The following SNTG2 variants were observed in gnomAD, a reference collection of about 807,000 sequenced individuals.
SNTG2 encodes gamma-2-syntrophin.
In SNTG2, 74 loss-of-function variants were observed where a neutral mutation model predicts 70.9. The observed-to-expected ratio is 1.04, with a 90% CI of 0.86 to 1.27. The LOEUF (loss-of-function observed/expected upper bound fraction) is 1.27. Among genes scored for constraint, SNTG2 ranks in the 50% most tolerant of loss-of-function variants. The probability of loss-of-function intolerance (pLI) is 0.00; values close to 1 mark genes in which losing one functional copy is unlikely to be tolerated. For missense variants in SNTG2, 717 were observed against 690.7 expected (o/e 1.04, Z -0.43); for synonymous variants, 278 against 273.8 (o/e 1.02, Z -0.15).
In SNTG2 at chr2:1,074,211, G is replaced by A. The variant is rs150126420; in HGVS notation, c.73-9307G>A. Among the ~76,000 whole-genome samples the A allele has an allele frequency of 1.8e-3, 270 of 152,314 alleles. 3 individuals carry two copies. The highest frequency in any genetic ancestry group is 6.1e-3 in the African/African-American group (252 of 41,558). ...GCCCCTCTGTGCATGTGTGACCCTC[G>A]TCTGCCCGGGGGAATGCTCAGACAT... On this transcript the variant is annotated intron_variant, in intron 1 of 16. Coordinates refer to ENST00000308624, the MANE Select transcript of SNTG2 (RefSeq NM_018968.4).
intron 1 of SNTG2, among the ~76,000 whole-genome samples, chr2:990,897 A>G (rs1385561680): frequency 6.6e-6 from 1 of 152,090 alleles, no homozygotes; most frequent in Non-Finnish European, 1.5e-5. Flanking sequence ...ACCTTTTAAA[A>G]TAGTCATTAA....
At chr2:1,014,663 G>A (rs1457818898) in intron 1 of SNTG2, among the ~76,000 whole-genome samples, 1 of 145,746 alleles carries the variant, frequency 6.9e-6, no homozygotes, top group South Asian at 2.2e-4. Flanking sequence ...ATTTATATGG[G>A]CAGAGAGAAG....
At chr2:1,256,147 C>T (rs1678108603) in intron 12 of SNTG2, among the ~76,000 whole-genome samples, 1 of 151,620 alleles carries the variant, frequency 6.6e-6, no homozygotes. Flanking sequence ...GGCACCATTA[C>T]TGCCTATGAG....
intron 1 of SNTG2, among the ~76,000 whole-genome samples, chr2:1,022,379 G>A (rs574174990): frequency 5.9e-5 from 9 of 151,926 alleles, no homozygotes; most frequent in African/African-American, 1.9e-4. Context: ...CTGCATTCCC[G>A]TGAGGACCTG....
chr2:1,100,825 A>G (rs1410362029), intron 4 of SNTG2, among the ~76,000 whole-genome samples: 1 of 152,214 alleles, frequency 6.6e-6, no homozygotes, highest in Non-Finnish European at 1.5e-5. Context: ...AAGGTTAGCC[A>G]GTAGGTAACG....
intron 2 of SNTG2, among the ~76,000 whole-genome samples, chr2:1,090,209 G>A (rs2148189781): frequency 6.6e-6 from 1 of 152,310 alleles, no homozygotes; most frequent in East Asian, 1.9e-4. Context: ...ACTATGAGTT[G>A]TTATATGAAC....
At chr2:1,161,986 ATTGTGTGAACCCGGGAGGCGGAGC>A (rs1670327873) in intron 6 of SNTG2, among the ~76,000 whole-genome samples, 1 of 139,510 alleles carries the variant, frequency 7.2e-6, no homozygotes, top group Non-Finnish European at 1.5e-5. Flanking sequence ...AGGCAGGAGA[ATTGTGTGAACCCGGGAGGCGGAGC>A]TTGCAGTGGG....
chr2:1,099,551 T>C (rs1354421770), intron 4 of SNTG2, among the ~76,000 whole-genome samples: 1 of 32,834 alleles, frequency 3.0e-5, no homozygotes, highest in East Asian at 8.6e-4. Context: ...GGTCCCAGGC[T>C]GGGGAAGCCT....
intron 8 of SNTG2, among the ~76,000 whole-genome samples, chr2:1,198,757 T>A (rs1176501136): frequency 6.6e-6 from 1 of 152,042 alleles, no homozygotes; most frequent in Non-Finnish European, 1.5e-5. Context: ...TATTAACCAC[T>A]ATATGCTAGC....
chr2:1,073,532 T>C (rs865988486), intron 1 of SNTG2, among the ~76,000 whole-genome samples: 2 of 152,236 alleles, frequency 1.3e-5, no homozygotes, highest in Non-Finnish European at 2.9e-5. Flanking sequence ...AACATAACTT[T>C]TATATGCACT....
At position 1,247,323 on chromosome 2, in the gene SNTG2, G is replaced by A; in HGVS notation, c.889-4G>A. On this transcript the variant is annotated splice_region_variant and splice_polypyrimidine_tract_variant and intron_variant, in intron 11 of 16. Transcript: ENST00000308624. ...CTTGGTTTGTAATTTTCACCCCTCTGCAGGTTGTGCATATGGGGTGGGTAA... is the reference window on the plus strand; with the variant it reads ...CTTGGTTTGTAATTTTCACCCCTCTACAGGTTGTGCATATGGGGTGGGTAA... The A allele has an allele frequency of 6.9e-7, 1 of 1,459,228 alleles. No homozygotes were observed. The highest frequency in any genetic ancestry group is 9.4e-7 in the Non-Finnish European group (1 of 1,061,574). 90.4% of individuals were successfully genotyped at this position (1,459,228 alleles called of 1,614,324 possible).
At chr2:1,294,959 T>G (rs1680139823) in intron 14 of SNTG2, among the ~76,000 whole-genome samples, 1 of 152,222 alleles carries the variant, frequency 6.6e-6, no homozygotes, top group Non-Finnish European at 1.5e-5. Flanking sequence ...TGGCTCGTCT[T>G]CTGACCTGGC....
At chr2:1,138,907 C>G (rs1369375120) in intron 6 of SNTG2, among the ~76,000 whole-genome samples, 2 of 152,214 alleles carry the variant, frequency 1.3e-5, no homozygotes, top group East Asian at 3.9e-4. Flanking sequence ...CCAAGGCAGG[C>G]ACACGCAGCA....
chr2:1,265,243 C>T (rs28531985), intron 13 of SNTG2, among the ~76,000 whole-genome samples: 32,402 of 152,162 alleles, frequency 0.21, 4,754 homozygotes, highest in African/African-American at 0.41. Flanking sequence ...CCAGGTATCC[C>T]AGCTGAAGGA....
intron 4 of SNTG2, among the ~76,000 whole-genome samples, chr2:1,104,644 G>A (rs1665996220): frequency 6.6e-6 from 1 of 152,212 alleles, no homozygotes; most frequent in African/African-American, 2.4e-5. Context: ...GGGTCCTTTT[G>A]TCAGCGTGTG....
chr2:1,308,209 G>T (rs1039081192), intron 14 of SNTG2, among the ~76,000 whole-genome samples: 33 of 152,128 alleles, frequency 2.2e-4, no homozygotes, highest in Admixed American at 2.2e-3. Context: ...ATAGAGATTG[G>T]CTGGGCTCTG....
chr2:1,144,711 A>C (rs189715639), intron 6 of SNTG2, among the ~76,000 whole-genome samples: 1 of 152,218 alleles, frequency 6.6e-6, no homozygotes, highest in South Asian at 2.1e-4. Context: ...GTCAGATCTC[A>C]TGAGACTTAT....
rs141240927 is a variant in SNTG2, at chr2:1,093,538, A to G, written c.211-4658A>G. Among the ~76,000 whole-genome samples the G allele has an allele frequency of 3.7e-3, 562 of 152,368 alleles. 2 individuals are homozygous for G. The highest frequency in any genetic ancestry group is 0.013 in the African/African-American group (534 of 41,588). Reference sequence around the variant, plus strand: ...GAAAAGTAAAGTTCCTAGATATGCTAATGTTAAAATGTTAGAGCCTTCATA... The same window carrying G: ...GAAAAGTAAAGTTCCTAGATATGCTGATGTTAAAATGTTAGAGCCTTCATA... On this transcript the variant is annotated intron_variant, in intron 2 of 16. Coordinates refer to ENST00000308624, the MANE Select transcript of SNTG2 (RefSeq NM_018968.4).
At chr2:1,348,933 A>T (rs1009039112) in intron 16 of SNTG2, among the ~76,000 whole-genome samples, 3 of 152,216 alleles carry the variant, frequency 2.0e-5, no homozygotes, top group African/African-American at 7.2e-5. Flanking sequence ...CCAGTGGGTT[A>T]TTCTTGACTG....
Sources: gnomAD v4.1 joint callset for allele counts (sites outside exome capture counted in the v4.1 genomes callset) on GRCh38, gnomAD v4.1.1 for gene constraint, MANE v1.5 for transcripts, NCBI Gene and HGNC (gene_info 2026-07-23, HGNC 2026-07-21) for gene names.